MYO16: variants seen among roughly 807,000 people sequenced by gnomAD.
MYO16 encodes myosin XVI, also known as unconventional myosin-XVI.
MYO16 carries 94 observed loss-of-function variants against 205.3 expected under a neutral mutation model. The observed-to-expected ratio is 0.46, with a 90% CI of 0.39 to 0.54. The LOEUF (loss-of-function observed/expected upper bound fraction) is 0.54, where lower values mean the gene tolerates loss of function less well. Among genes scored for constraint, MYO16 ranks in the 20% least tolerant of loss-of-function variants. MYO16 has a pLI of 0.00. For missense variants in MYO16, 2,315 were observed against 2,387.5 expected (o/e 0.97, Z 0.63); for synonymous variants, 988 against 954.0 (o/e 1.04, Z -0.66).
chr13:108,539,109 T>C, the MYO16 span, among the ~76,000 whole-genome samples: 2 of 152,104 alleles, frequency 1.3e-5, no homozygotes, highest in Non-Finnish European at 2.9e-5. Context: ...GAGTTGTTAT[T>C]TATCGGAAAA....
chr13:108,940,830 A>G (rs1274842503), intron 16 of MYO16, among the ~76,000 whole-genome samples: 1 of 152,228 alleles, frequency 6.6e-6, no homozygotes, highest in African/African-American at 2.4e-5. Context: ...TACTGCAAAT[A>G]CAATTATATT....
chr13:108,759,612 G>A (rs1356616421), intron 4 of MYO16, among the ~76,000 whole-genome samples: 1 of 152,106 alleles, frequency 6.6e-6, no homozygotes, highest in Non-Finnish European at 1.5e-5. Flanking sequence ...ACGAGGTCAG[G>A]AGATTGAGAC....
chr13:108,950,935 T>C (rs1883122968), intron 16 of MYO16, among the ~76,000 whole-genome samples: 2 of 152,218 alleles, frequency 1.3e-5, no homozygotes, highest in Non-Finnish European at 1.5e-5. Context: ...ATTCATAGTT[T>C]GGTAGAGCTT....
chr13:108,873,662 AC>A (rs1232474735), intron 12 of MYO16, among the ~76,000 whole-genome samples: 5 of 127,322 alleles, frequency 3.9e-5, no homozygotes, highest in Admixed American at 1.7e-4. Flanking sequence ...ATGCCAACCA[AC>A]CAGGACAGGG....
chr13:108,640,427 G>A (rs980975488), intron 1 of MYO16, among the ~76,000 whole-genome samples: 1 of 152,154 alleles, frequency 6.6e-6, no homozygotes, highest in Non-Finnish European at 1.5e-5. Flanking sequence ...GAAGAGTACA[G>A]AACACATATG....
At chr13:108,892,214 A>T (rs947087975) in intron 14 of MYO16, among the ~76,000 whole-genome samples, 22 of 152,292 alleles carry the variant, frequency 1.4e-4, no homozygotes, top group African/African-American at 5.3e-4. Flanking sequence ...AGCTCATACC[A>T]TATTGAGCAC....
At chr13:108,541,014 T>C in the MYO16 span, among the ~76,000 whole-genome samples, 2 of 152,160 alleles carry the variant, frequency 1.3e-5, no homozygotes, top group African/African-American at 4.8e-5. Context: ...GTGACATAAA[T>C]ATTGGGACGG....
intron 16 of MYO16, among the ~76,000 whole-genome samples, chr13:108,925,046 G>T (rs1170622466): frequency 2.0e-5 from 3 of 152,098 alleles, no homozygotes; most frequent in Non-Finnish European, 2.9e-5. Context: ...CCACTGTGTT[G>T]TTCAGAATTA....
At chr13:108,574,316 A>C in the MYO16 span, among the ~76,000 whole-genome samples, 1 of 152,212 alleles carries the variant, frequency 6.6e-6, no homozygotes, top group Non-Finnish European at 1.5e-5. Context: ...GGTTATATGA[A>C]GCAAGGAAAT....
chr13:108,897,325 AG>A (rs1259427911), intron 14 of MYO16, among the ~76,000 whole-genome samples: 1 of 152,196 alleles, frequency 6.6e-6, no homozygotes. Context: ...AAACATGTCA[AG>A]GAAGAATTTC....
chr13:108,547,769 G>A, the MYO16 span, among the ~76,000 whole-genome samples: 1 of 152,196 alleles, frequency 6.6e-6, no homozygotes, highest in Admixed American at 6.5e-5. Flanking sequence ...CTTAAGACTG[G>A]ATGAGTAGGG....
At chr13:109,094,980 T>C (rs150141067) in intron 27 of MYO16, among the ~76,000 whole-genome samples, 1 of 152,338 alleles carries the variant, frequency 6.6e-6, no homozygotes, top group Non-Finnish European at 1.5e-5. Context: ...TGCTATTCCC[T>C]GCTACATTCC....
At chr13:108,754,808 C>T (rs1186393386) in intron 4 of MYO16, among the ~76,000 whole-genome samples, 1 of 152,154 alleles carries the variant, frequency 6.6e-6, no homozygotes, top group Non-Finnish European at 1.5e-5. Context: ...TATCCCTTTC[C>T]TCAAGAAGCA....
chr13:108,793,488 C>G (rs1886685429), intron 5 of MYO16, 28 bp from the exon 6 acceptor site: 1 of 1,609,010 alleles, frequency 6.2e-7, no homozygotes, highest in Non-Finnish European at 8.5e-7. Context: ...TCTCTCCATT[C>G]TGGTTGAAAG....
rs533009496 is a variant in MYO16 at position 108,607,028 on chromosome 13, C to T, written c.-39+10789C>T. ...TGGACTTTCATGGGGTCTGTAACCC[C>T]TTTGTTTTGGCCAACTTCTTCCATT... is the stretch of plus-strand genomic sequence containing the variant. On this transcript the variant is annotated intron_variant, in intron 1 of 24. Coordinates refer to the MYO16 transcript ENST00000251041. Among the ~76,000 whole-genome samples, 3 of 152,308 alleles carry T rather than the reference C, an allele frequency of 2.0e-5. No individual in the cohort carries two copies. The East Asian group carries it at 5.8e-4, about 29-fold the overall frequency.
chr13:108,784,755 G>A (rs982348957), intron 4 of MYO16, among the ~76,000 whole-genome samples: 2 of 152,186 alleles, frequency 1.3e-5, no homozygotes, highest in Admixed American at 1.3e-4. Flanking sequence ...TCTGGCCTGA[G>A]TTTAATGACA....
intron 1 of MYO16, among the ~76,000 whole-genome samples, chr13:108,634,337 T>C (rs1880126111): frequency 6.6e-6 from 1 of 152,196 alleles, no homozygotes; most frequent in Admixed American, 6.5e-5. Context: ...CTCCTGTGTG[T>C]CCAAGGCCAG....
At chr13:108,874,385 T>C (rs1329871340) in intron 12 of MYO16, among the ~76,000 whole-genome samples, 2 of 152,152 alleles carry the variant, frequency 1.3e-5, no homozygotes, top group Admixed American at 6.5e-5. Context: ...TTAAAAAAAT[T>C]ATAATATTTG....
intron 34 of MYO16, among the ~76,000 whole-genome samples, chr13:109,182,575 T>G (rs966015980): frequency 6.6e-6 from 1 of 152,220 alleles, no homozygotes; most frequent in Non-Finnish European, 1.5e-5. Context: ...ATGTCCAAGG[T>G]TAGTTTTCTT....
Sources: allele counts gnomAD v4.1 joint callset (sites outside exome capture counted in the v4.1 genomes callset), GRCh38; gene constraint gnomAD v4.1.1; transcripts MANE v1.5; gene names NCBI Gene and HGNC (gene_info 2026-07-23, HGNC 2026-07-21).